The following NALF1 variants were observed in gnomAD, a reference collection of about 807,000 sequenced individuals.
NALF1 encodes the protein NALCN channel auxiliary factor 1.
A neutral mutation model predicts 48.4 loss-of-function variants in NALF1; 3 were observed. That is an observed-to-expected ratio of 0.06 (90% CI 0.03 to 0.16). The LOEUF (loss-of-function observed/expected upper bound fraction) is 0.16. NALF1 is among the 10% of genes least tolerant of loss of function. The pLI, the probability that NALF1 is intolerant of heterozygous loss-of-function variation, is 1.00. For missense variants in NALF1, 526 were observed against 571.5 expected (o/e 0.92, Z 0.81); for synonymous variants, 262 against 245.7 (o/e 1.07, Z -0.62).
intron 2 of NALF1, among the ~76,000 whole-genome samples, chr13:107,190,925 T>G (rs1470253821): frequency 6.6e-6 from 1 of 152,234 alleles, no homozygotes; most frequent in Non-Finnish European, 1.5e-5. Flanking sequence ...AAGAGGATAC[T>G]ATTCATTAGA....
At chr13:107,239,890 A>G (rs779181866) in intron 1 of NALF1, among the ~76,000 whole-genome samples, 11 of 152,178 alleles carry the variant, frequency 7.2e-5, no homozygotes, top group Non-Finnish European at 1.6e-4. Flanking sequence ...GGAGAAAGCC[A>G]CCTGCTGGAG....
In NALF1 at chr13:107,832,835, G is replaced by A. The variant is rs114074990; in HGVS notation, c.915+32847C>T. On this transcript the variant is annotated intron_variant, in intron 1 of 2. Coordinates refer to ENST00000375915, the MANE Select transcript of NALF1 (RefSeq NM_001080396.3). ...TGTCTCCTGACCCCCAGTTCAAGCC[G>A]CAGAAGACTGATCTTTCAAAAACAA... Among the ~76,000 whole-genome samples, 620 of 152,234 alleles carry A rather than the reference G, an allele frequency of 4.1e-3. 2 individuals are homozygous for A. The highest frequency in any genetic ancestry group is 0.013 in the African/African-American group (547 of 41,528).
intron 1 of NALF1, among the ~76,000 whole-genome samples, chr13:107,824,535 T>C (rs1879455463): frequency 6.6e-6 from 1 of 152,110 alleles, no homozygotes; most frequent in Non-Finnish European, 1.5e-5. Flanking sequence ...GAACACAAAA[T>C]CAAGGGAAGA....
At chr13:107,536,048 C>G (rs1004285458) in intron 1 of NALF1, among the ~76,000 whole-genome samples, 1 of 152,132 alleles carries the variant, frequency 6.6e-6, no homozygotes, top group Non-Finnish European at 1.5e-5. Context: ...AACTGGATCC[C>G]TACCTTACAC....
At chr13:107,272,871 T>C (rs1017466013) in intron 1 of NALF1, among the ~76,000 whole-genome samples, 1 of 152,200 alleles carries the variant, frequency 6.6e-6, no homozygotes, top group South Asian at 2.1e-4. Context: ...CGGAGTCATA[T>C]ACACATATAC....
chr13:107,680,542 GGT>G (rs1200474523), intron 1 of NALF1, among the ~76,000 whole-genome samples: 2 of 151,802 alleles, frequency 1.3e-5, no homozygotes, highest in African/African-American at 4.8e-5. Flanking sequence ...TGTATGTGAT[GGT>G]GTGTGGTGTG....
At chr13:107,656,894 T>A (rs753417030) in intron 1 of NALF1, among the ~76,000 whole-genome samples, 3 of 152,070 alleles carry the variant, frequency 2.0e-5, no homozygotes, top group Non-Finnish European at 4.4e-5. Context: ...CTAAGTGAAG[T>A]AACTCAGGAA....
chr13:107,201,983 T>C lies in NALF1; in HGVS notation c.1087+8601A>G, dbSNP rs571584671. On this transcript the variant is annotated intron_variant, in intron 2 of 2. Transcript: ENST00000375915. Reference sequence around the variant, plus strand: ...TCTTTTGACCCCATAAATTGGTTAATAAAGGTACAACATACCATATTTAGG... The same window carrying C: ...TCTTTTGACCCCATAAATTGGTTAACAAAGGTACAACATACCATATTTAGG... 2.0e-3 allele frequency among the ~76,000 whole-genome samples: 307 copies of C among 152,320 alleles called. 2 individuals carry two copies. The highest frequency in any genetic ancestry group is 3.7e-3 in the Admixed American group (56 of 15,300).
intron 1 of NALF1, among the ~76,000 whole-genome samples, chr13:107,221,421 A>T (rs769467923): frequency 4.6e-5 from 7 of 152,030 alleles, no homozygotes; most frequent in Non-Finnish European, 1.0e-4. Context: ...CTACTAAAAA[A>T]TTACAAAAAT....
intron 1 of NALF1, among the ~76,000 whole-genome samples, chr13:107,433,716 C>G (rs978723705): frequency 2.6e-5 from 4 of 152,010 alleles, no homozygotes; most frequent in Admixed American, 6.6e-5. Context: ...GATAGAAGCA[C>G]CATCATCACA....
intron 1 of NALF1, among the ~76,000 whole-genome samples, chr13:107,750,459 A>AT (rs1393348876): frequency 6.6e-6 from 1 of 152,222 alleles, no homozygotes; most frequent in African/African-American, 2.4e-5. Flanking sequence ...CTGAAATTTT[A>AT]TATCTGGATG....
At chr13:107,676,432 A>G (rs1034974607) in intron 1 of NALF1, among the ~76,000 whole-genome samples, 1 of 152,148 alleles carries the variant, frequency 6.6e-6, no homozygotes, top group Admixed American at 6.5e-5. Context: ...ACATAGTATA[A>G]AAATATGTGG....
chr13:107,619,759 T>C (rs1036636124), intron 1 of NALF1, among the ~76,000 whole-genome samples: 1 of 152,150 alleles, frequency 6.6e-6, no homozygotes, highest in South Asian at 2.1e-4. Flanking sequence ...AACTAGCTAA[T>C]AGCAGAACTA....
At chr13:107,729,537 C>T (rs749328265) in intron 1 of NALF1, among the ~76,000 whole-genome samples, 6 of 151,634 alleles carry the variant, frequency 4.0e-5, no homozygotes, top group Non-Finnish European at 8.8e-5. Context: ...AGTGCAGTGG[C>T]GCGACCTCAG....
chr13:107,562,749 G>A (rs1283403400), intron 1 of NALF1, among the ~76,000 whole-genome samples: 3 of 152,190 alleles, frequency 2.0e-5, no homozygotes, highest in African/African-American at 7.2e-5. Flanking sequence ...GGCTAAAAGA[G>A]CAACCAGAAT....
At chr13:107,346,598 T>C (rs1427662736) in intron 1 of NALF1, among the ~76,000 whole-genome samples, 1 of 152,160 alleles carries the variant, frequency 6.6e-6, no homozygotes, top group African/African-American at 2.4e-5. Flanking sequence ...AGAGTGATGA[T>C]TGCCAGGGTG....
intron 1 of NALF1, among the ~76,000 whole-genome samples, chr13:107,764,720 G>A (rs995415011): frequency 1.3e-5 from 2 of 152,118 alleles, no homozygotes; most frequent in Non-Finnish European, 2.9e-5. Context: ...CTATTCATCA[G>A]ATGACCATGA....
At chr13:107,665,995 G>A (rs1880848156) in intron 1 of NALF1, among the ~76,000 whole-genome samples, 1 of 151,886 alleles carries the variant, frequency 6.6e-6, no homozygotes. Flanking sequence ...TTTAAAATTA[G>A]GAAACAGAAA....
intron 1 of NALF1, among the ~76,000 whole-genome samples, chr13:107,223,910 C>T (rs933994727): frequency 3.3e-5 from 5 of 152,110 alleles, no homozygotes; most frequent in Non-Finnish European, 5.9e-5. Flanking sequence ...AAACAGAGGG[C>T]CTATCTTAGC....
Sources: allele counts gnomAD v4.1 joint callset (sites outside exome capture counted in the v4.1 genomes callset), GRCh38; gene constraint gnomAD v4.1.1; transcripts MANE v1.5; gene names NCBI Gene and HGNC (gene_info 2026-07-23, HGNC 2026-07-21).